ZNF148: variants seen among roughly 807,000 people sequenced by gnomAD.
ZNF148 encodes the protein Beta-Enolase Repressor Factor-1.
Under a neutral mutation model 67.7 loss-of-function variants are expected in ZNF148, and 7 were observed. The ratio of observed to expected loss-of-function variants is 0.10; its 90% CI spans 0.06 to 0.19. ZNF148 has a LOEUF of 0.19. Among genes scored for constraint, ZNF148 ranks in the 10% least tolerant of loss-of-function variants. ZNF148 has a pLI of 1.00. For missense variants in ZNF148, 583 were observed against 947.1 expected (o/e 0.62, Z 5.05); for synonymous variants, 333 against 330.7 (o/e 1.01, Z -0.08).
intron 5 of ZNF148, among the ~76,000 whole-genome samples, chr3:125,281,250 T>G (rs1197617013): frequency 6.6e-6 from 1 of 152,118 alleles, no homozygotes; most frequent in South Asian, 2.1e-4. Flanking sequence ...TCAAAGAAAG[T>G]GGAAAGCTTC....
rs76457619 is a variant in ZNF148 at position 125,361,395 on chromosome 3, C to T, written c.-234+13707G>A. Among the ~76,000 whole-genome samples, 1,479 of 152,206 alleles carry T rather than the reference C, an allele frequency of 9.7e-3. 13 individuals carry two copies. Among genetic ancestry groups the T allele is most frequent in the Non-Finnish European group, 0.015 (1,043 of 68,012 alleles). ...TTTCCCCTACCCAATAACTTCAATTCTGCTTGCTCCCAAATTCAGCCATTA... is the reference window on the plus strand; with the variant it reads ...TTTCCCCTACCCAATAACTTCAATTTTGCTTGCTCCCAAATTCAGCCATTA... On this transcript the variant is annotated intron_variant, in intron 1 of 8. Transcript: ENST00000360647.
intron 3 of ZNF148, among the ~76,000 whole-genome samples, chr3:125,321,746 C>T (rs960023737): frequency 6.6e-6 from 1 of 152,064 alleles, no homozygotes; most frequent in East Asian, 1.9e-4. Flanking sequence ...GCATCCATTA[C>T]ATTTTATGCA....
chr3:125,246,033 T>C (rs1936583485), intron 7 of ZNF148, among the ~76,000 whole-genome samples: 1 of 152,204 alleles, frequency 6.6e-6, no homozygotes, highest in Admixed American at 6.5e-5. Flanking sequence ...ACCATGCTTT[T>C]TTCTTACCTC....
chr3:125,261,641 G>A lies in ZNF148; in HGVS notation c.667+16085C>T, dbSNP rs181711941. On this transcript the variant is annotated intron_variant, in intron 7 of 8. Transcript: ENST00000360647. Reference sequence around the variant, plus strand: ...AAACCTAAGTACTAAACGACATGAGGAGGACTGATAGGAGAGAGTGCCTGG... The same window carrying A: ...AAACCTAAGTACTAAACGACATGAGAAGGACTGATAGGAGAGAGTGCCTGG... 1.2e-4 allele frequency among the ~76,000 whole-genome samples: 18 copies of A among 152,186 alleles called. No individual in the cohort carries two copies. In the East Asian group the frequency reaches 1.9e-3, roughly 16 times the overall value.
intron 4 of ZNF148, among the ~76,000 whole-genome samples, chr3:125,290,165 T>G (rs1938929378): frequency 6.6e-6 from 1 of 152,166 alleles, no homozygotes; most frequent in Non-Finnish European, 1.5e-5. Flanking sequence ...CTTCCCACTT[T>G]GATACTACAG....
intron 2 of ZNF148, among the ~76,000 whole-genome samples, chr3:125,327,051 A>C (rs1475055982): frequency 6.6e-6 from 1 of 152,002 alleles, no homozygotes; most frequent in Non-Finnish European, 1.5e-5. Flanking sequence ...AACTGAAAGT[A>C]AAAGGATGGG....
intron 4 of ZNF148, among the ~76,000 whole-genome samples, chr3:125,297,299 G>A (rs1196190293): frequency 6.6e-6 from 1 of 152,080 alleles, no homozygotes; most frequent in Non-Finnish European, 1.5e-5. Flanking sequence ...TCAATTCCCA[G>A]TGGATTACTG....
At chr3:125,297,332 A>C (rs1157724706) in intron 4 of ZNF148, among the ~76,000 whole-genome samples, 4 of 152,154 alleles carry the variant, frequency 2.6e-5, no homozygotes, top group Non-Finnish European at 1.5e-5. Flanking sequence ...ACGGAAAACC[A>C]TAAAGCCTCC....
intron 2 of ZNF148, among the ~76,000 whole-genome samples, chr3:125,326,069 A>T (rs957433878): frequency 1.3e-5 from 2 of 152,210 alleles, no homozygotes; most frequent in Non-Finnish European, 2.9e-5. Flanking sequence ...ATCCTTCAAA[A>T]ATGAAAAAAT....
chr3:125,361,888 C>G (rs1394056127), intron 1 of ZNF148, among the ~76,000 whole-genome samples: 3 of 152,008 alleles, frequency 2.0e-5, no homozygotes, highest in Non-Finnish European at 2.9e-5. Flanking sequence ...GACCACCCCC[C>G]TTTTCTTTAT....
chr3:125,313,786 C>T, intron 3 of ZNF148, 130 bp from the exon 4 acceptor site: 1 of 715,956 alleles, frequency 1.4e-6, no homozygotes, highest in South Asian at 2.6e-5. Context: ...GAACTGCCTC[C>T]AATTTTAAAA....
At chr3:125,262,739 T>C (rs1327538009) in intron 7 of ZNF148, among the ~76,000 whole-genome samples, 2 of 152,248 alleles carry the variant, frequency 1.3e-5, no homozygotes, top group Non-Finnish European at 2.9e-5. Flanking sequence ...ATTAAACTGC[T>C]ATATAATAGA....
At chr3:125,374,941 G>A (rs1943015909) in intron 1 of ZNF148, among the ~76,000 whole-genome samples, 161 bp downstream of exon 1, 1 of 147,816 alleles carries the variant, frequency 6.8e-6, no homozygotes, top group African/African-American at 2.5e-5. Context: ...CAGCCCCAGC[G>A]TTTCCCTCGG....
intron 7 of ZNF148, among the ~76,000 whole-genome samples, chr3:125,234,911 T>C (rs187331554): frequency 2.3e-3 from 356 of 152,328 alleles, no homozygotes; most frequent in Non-Finnish European, 3.9e-3. Context: ...CTGAGTATTG[T>C]TAATTGGACA....
chr3:125,276,891 C>A (rs1167311566), intron 7 of ZNF148, among the ~76,000 whole-genome samples: 4 of 152,146 alleles, frequency 2.6e-5, no homozygotes, highest in African/African-American at 4.8e-5. Context: ...ATCAAAATAA[C>A]AACACTGGGC....
chr3:125,279,394 GAAT>G (rs1938253943), intron 5 of ZNF148, 147 bp from the exon 6 acceptor site: 1 of 695,878 alleles, frequency 1.4e-6, no homozygotes, highest in Non-Finnish European at 2.2e-6. Context: ...AAGACTATTA[GAAT>G]AATGTTATCA....
intron 4 of ZNF148, among the ~76,000 whole-genome samples, chr3:125,291,925 G>A (rs1939037204): frequency 6.6e-6 from 1 of 152,116 alleles, no homozygotes; most frequent in Admixed American, 6.5e-5. Flanking sequence ...GTGACTAAAA[G>A]TATAACTAGT....
intron 7 of ZNF148, among the ~76,000 whole-genome samples, chr3:125,244,536 C>T (rs1936509839): frequency 6.6e-6 from 1 of 151,754 alleles, no homozygotes. Context: ...TCGCTCTTGT[C>T]CCCCAGGCTG....
intron 7 of ZNF148, among the ~76,000 whole-genome samples, chr3:125,254,562 A>T (rs576127879): frequency 2.0e-5 from 3 of 152,330 alleles, no homozygotes; most frequent in African/African-American, 7.2e-5. Flanking sequence ...ATTTTTTGAA[A>T]AATCTTCTAA....
Sources: gnomAD v4.1 joint callset for allele counts (sites outside exome capture counted in the v4.1 genomes callset) on GRCh38, gnomAD v4.1.1 for gene constraint, MANE v1.5 for transcripts, NCBI Gene and HGNC (gene_info 2026-07-23, HGNC 2026-07-21) for gene names.